Variants in ARHGEF26 observed in about 807,000 individuals in gnomAD.
ARHGEF26 encodes the protein Rho guanine nucleotide exchange factor 26.
In ARHGEF26, 59 loss-of-function variants were observed where a neutral mutation model predicts 89.4. The observed-to-expected ratio is 0.66, with a 90% CI of 0.54 to 0.82. ARHGEF26 has a LOEUF of 0.82. ARHGEF26 is among the 40% of genes least tolerant of loss of function. The probability of loss-of-function intolerance (pLI) is 0.00; values close to 1 mark genes in which losing one functional copy is unlikely to be tolerated. For missense variants in ARHGEF26, 1,234 were observed against 1,085.6 expected (o/e 1.14, Z -1.92); for synonymous variants, 500 against 428.4 (o/e 1.17, Z -2.06).
intron 12 of ARHGEF26, among the ~76,000 whole-genome samples, chr3:154,251,566 C>T (rs1022074970): frequency 6.6e-6 from 1 of 152,108 alleles, no homozygotes; most frequent in Non-Finnish European, 1.5e-5. Flanking sequence ...TACTGTTGAC[C>T]AGCAATATAA....
intron 9 of ARHGEF26, among the ~76,000 whole-genome samples, chr3:154,204,852 A>T (rs1218591755): frequency 6.6e-6 from 1 of 152,078 alleles, no homozygotes; most frequent in Non-Finnish European, 1.5e-5. Context: ...ACTAATTTTT[A>T]GTTTTATTTC....
Position 154,215,493 on chromosome 3 carries a change from CT to C in ARHGEF26, c.1846-2366del, listed in dbSNP as rs113408006. On this transcript the variant is annotated intron_variant, in intron 9 of 14. Transcript: ENST00000465093. ...TGAAACATAGTAGGCACTAAATAAA[CT>C]TTTTTTTTTAATGAATAATATTTTA... Among the ~76,000 whole-genome samples the C allele has an allele frequency of 3.3e-3, 481 of 147,460 alleles. 4 individuals are homozygous for C. The highest frequency in any genetic ancestry group is 0.011 in the African/African-American group (437 of 40,220).
chr3:154,239,299 A>AGAGTGTGT (rs1182446964), intron 11 of ARHGEF26, among the ~76,000 whole-genome samples: 4 of 64,256 alleles, frequency 6.2e-5, no homozygotes, highest in African/African-American at 1.2e-4. Flanking sequence ...AGAGAGAGAG[A>AGAGTGTGT]GTGTGTGTGT....
At position 154,122,061 on chromosome 3, in the gene ARHGEF26, T is replaced by C. The variant is rs748571817; in HGVS notation, c.69T>C (p.Ile23=). 2.2e-5 allele frequency: 35 copies of C among 1,612,092 alleles called. No homozygotes were observed. The East Asian group carries it at 7.6e-4, about 35-fold the overall frequency. ...SITPLWRRRS[I]PQPHQVLGRS... is the part of the protein sequence containing the mutation. ...CCCCTTTGTGGCGGAGGCGGTCGAT[T>C]CCTCAGCCCCACCAGGTTCTGGGCC... The change falls in exon 2 of 15, where the codon ATT becomes ATC. Residue 23 remains isoleucine (I), a synonymous_variant. Coordinates refer to ENST00000465093, the MANE Select transcript of ARHGEF26 (RefSeq NM_015595.4).
chr3:154,238,593 A>G (rs972073605), intron 11 of ARHGEF26, among the ~76,000 whole-genome samples: 3 of 152,208 alleles, frequency 2.0e-5, no homozygotes, highest in African/African-American at 7.2e-5. Context: ...ACTAGGCACA[A>G]GGAGTTTTCT....
rs76066145 is a variant in ARHGEF26 at position 154,182,337 on chromosome 3, G to A, written c.1488-5348G>A. Among the ~76,000 whole-genome samples the A allele has an allele frequency of 2.2e-3, 342 of 152,218 alleles. 3 individuals carry two copies. Among genetic ancestry groups the A allele is most frequent in the Admixed American group, 4.6e-3 (71 of 15,290 alleles). On this transcript the variant is annotated intron_variant, in intron 6 of 14. Coordinates refer to ENST00000465093, the MANE Select transcript of ARHGEF26 (RefSeq NM_015595.4). ...TGCATGAAGGATGAGTGGGATTCAT[G>A]AGGGAAAAAGGGGAGCGAGAATAGG... is the stretch of plus-strand genomic sequence containing the variant.
At chr3:154,135,599 G>A (rs1013664041) in intron 4 of ARHGEF26, among the ~76,000 whole-genome samples, 2 of 152,106 alleles carry the variant, frequency 1.3e-5, no homozygotes, top group Admixed American at 6.5e-5. Flanking sequence ...GTAAATCACC[G>A]GTGCCTCACC....
intron 4 of ARHGEF26, among the ~76,000 whole-genome samples, chr3:154,136,172 A>G (rs1718989843): frequency 6.6e-6 from 1 of 152,116 alleles, no homozygotes; most frequent in South Asian, 2.1e-4. Flanking sequence ...CAGTTTGCTC[A>G]AATATTTTGA....
At chr3:154,238,937 T>C (rs549928157) in intron 11 of ARHGEF26, among the ~76,000 whole-genome samples, 2 of 151,892 alleles carry the variant, frequency 1.3e-5, no homozygotes, top group East Asian at 1.9e-4. Context: ...AGGCGGAAGG[T>C]TGTAGAGTCA....
At chr3:154,193,644 TTAAAA>T (rs1195765630) in intron 8 of ARHGEF26, among the ~76,000 whole-genome samples, 2 of 152,206 alleles carry the variant, frequency 1.3e-5, no homozygotes, top group Admixed American at 1.3e-4. Context: ...AGCTTGTTCA[TTAAAA>T]TAAACACTTT....
rs1443722956 is a variant in ARHGEF26 at position 154,122,804 on chromosome 3, C to T, written c.812C>T (p.Pro271Leu). 1 of 1,611,830 alleles carries T rather than the reference C, an allele frequency of 6.2e-7. No individual in the cohort carries two copies. Among genetic ancestry groups the T allele is most frequent in the Admixed American group, 1.7e-5 (1 of 59,642 alleles). Residue 271 changes from proline (P) to leucine (L), a missense_variant, in exon 2 of 15, where the codon CCC becomes CTC. Pro to Leu is a moderately conservative substitution (Grantham distance 98). Transcript: ENST00000465093. Reference sequence around the variant, plus strand: ...AAATCCAACAATCAAAATGTGGAGCCCCACAAGAGACTCCTCAAGGTGCGC... The same window carrying T: ...AAATCCAACAATCAAAATGTGGAGCTCCACAAGAGACTCCTCAAGGTGCGC... ...ISKSNNQNVEPHKRLLKVRSM... is the reference protein window; with the variant it reads ...ISKSNNQNVELHKRLLKVRSM...
chr3:154,161,098 GTTTGTGTGTGTGTGTGTGTGTGTGTGT>G (rs1485361062), intron 6 of ARHGEF26, among the ~76,000 whole-genome samples: 42 of 18,778 alleles, frequency 2.2e-3, no homozygotes, highest in African/African-American at 3.5e-3. Context: ...TGGTAGCCAG[GTTTGTGTGTGTGTGTGTGTGTGTGTGT>G]GTGTGTGTGT....
chr3:154,203,425 C>G (rs1714788752), intron 9 of ARHGEF26, among the ~76,000 whole-genome samples: 1 of 152,046 alleles, frequency 6.6e-6, no homozygotes, highest in Admixed American at 6.6e-5. Context: ...ATCTTATCAT[C>G]TGCAAACAGG....
intron 8 of ARHGEF26, among the ~76,000 whole-genome samples, chr3:154,194,285 A>G (rs1714148698): frequency 6.6e-6 from 1 of 152,196 alleles, no homozygotes; most frequent in Non-Finnish European, 1.5e-5. Flanking sequence ...CACTTCTAAC[A>G]ACCTTGTGAT....
intron 11 of ARHGEF26, among the ~76,000 whole-genome samples, chr3:154,234,335 G>A (rs1716983772): frequency 6.6e-6 from 1 of 152,044 alleles, no homozygotes; most frequent in South Asian, 2.1e-4. Context: ...TAAAATGCTT[G>A]CTAATAAGGA....
intron 11 of ARHGEF26, among the ~76,000 whole-genome samples, chr3:154,227,651 G>C (rs1284574779): frequency 3.3e-5 from 5 of 152,150 alleles, no homozygotes; most frequent in Non-Finnish European, 7.4e-5. Flanking sequence ...GGTTTCCTAT[G>C]AGATAGCATT....
chr3:154,198,529 A>G (rs142832165), intron 9 of ARHGEF26, among the ~76,000 whole-genome samples: 2 of 152,316 alleles, frequency 1.3e-5, no homozygotes, highest in African/African-American at 2.4e-5. Context: ...TATATACACC[A>G]TGGAATACTA....
chr3:154,236,543 A>G (rs1297704025), intron 11 of ARHGEF26, among the ~76,000 whole-genome samples: 1 of 152,210 alleles, frequency 6.6e-6, no homozygotes, highest in Non-Finnish European at 1.5e-5. Flanking sequence ...TTCAGAGACT[A>G]TATAAACCAT....
chr3:154,154,462 A>G (rs1313088488), intron 6 of ARHGEF26, among the ~76,000 whole-genome samples: 1 of 152,064 alleles, frequency 6.6e-6, no homozygotes, highest in Admixed American at 6.6e-5. Flanking sequence ...ATCAAAGTAT[A>G]TATATTAAAT....
Sources: gnomAD v4.1 joint callset for allele counts (sites outside exome capture counted in the v4.1 genomes callset) on GRCh38, gnomAD v4.1.1 for gene constraint, MANE v1.5 for transcripts, NCBI Gene and HGNC (gene_info 2026-07-23, HGNC 2026-07-21) for gene names.